VPS13D: variants seen among roughly 807,000 people sequenced by gnomAD.
VPS13D encodes the protein intermembrane lipid transfer protein VPS13D.
Under a neutral mutation model 461.9 loss-of-function variants are expected in VPS13D, and 187 were observed. The observed-to-expected ratio is 0.40, with a 90% CI of 0.36 to 0.46. VPS13D has a LOEUF of 0.46. Ranked by LOEUF, VPS13D falls within the 20% of genes least tolerant of loss-of-function variation. VPS13D has a pLI of 0.60. For synonymous variants in VPS13D, 1,951 were observed against 1,986.3 expected (o/e 0.98, Z 0.47); for missense variants, 4,711 against 5,364.9 (o/e 0.88, Z 3.81).
chr1:12,393,280 AG>A, intron 60 of VPS13D, among the ~76,000 whole-genome samples: 1 of 152,260 alleles, frequency 6.6e-6, no homozygotes, highest in Non-Finnish European at 1.5e-5. Flanking sequence ...AAAGCAATCA[AG>A]GTCTCTCCAA....
Position 12,303,202 on chromosome 1 carries a change from C to T in VPS13D, c.6217-1304C>T, listed in dbSNP as rs114711733. Among the ~76,000 whole-genome samples the T allele has an allele frequency of 3.8e-3, 578 of 152,288 alleles. 2 individuals carry two copies. Among genetic ancestry groups the T allele is most frequent in the African/African-American group, 0.013 (538 of 41,558 alleles). ...TAATCCTGAAATCAAAGCTTGGAGA[C>T]GGGTTATTTGCCCTTGAGTTCCAGG... On this transcript the variant is annotated intron_variant, in intron 25 of 69. Transcript: ENST00000620676.
chr1:12,338,749 T>C (rs1377423624), intron 40 of VPS13D, among the ~76,000 whole-genome samples: 2 of 152,210 alleles, frequency 1.3e-5, no homozygotes, highest in Non-Finnish European at 2.9e-5. Context: ...AAAAAAATTC[T>C]CAGTAAATAA....
Position 12,447,384 on chromosome 1 carries a change from G to A in VPS13D, c.12334-8614G>A, listed in dbSNP as rs139627188. On this transcript the variant is annotated intron_variant, in intron 65 of 69. Transcript: ENST00000620676. The stretch of plus-strand genomic sequence containing the variant: ...ATGAGCATAATAATACTACCTCACA[G>A]GATTGTTGTGAGGATTAAGCTAGTT... 1.8e-3 allele frequency among the ~76,000 whole-genome samples: 278 copies of A among 152,280 alleles called. 4 individuals carry two copies. The highest frequency in any genetic ancestry group is 6.5e-3 in the African/African-American group (270 of 41,546).
At chr1:12,273,908 AT>A (rs1054158169) in intron 18 of VPS13D, among the ~76,000 whole-genome samples, 23 of 151,314 alleles carry the variant, frequency 1.5e-4, no homozygotes, top group African/African-American at 4.9e-4. Flanking sequence ...TTTCTTTTAA[AT>A]TTTTTTTCTT....
rs148948005 is a variant in VPS13D at position 12,476,534 on chromosome 1, G to C, written c.12662+16138G>C. 4.5e-3 allele frequency among the ~76,000 whole-genome samples: 684 copies of C among 152,318 alleles called. 5 individuals are homozygous for C. Among genetic ancestry groups the C allele is most frequent in the African/African-American group, 0.015 (612 of 41,566 alleles). ...GTGCAAGTGCTTTGTAGATTGTCCT[G>C]GGAGATGTGGCATATTATGACTAAA... On this transcript the variant is annotated intron_variant, in intron 67 of 69. Transcript: ENST00000620676.
Position 12,319,542 on chromosome 1 carries a change from A to G in VPS13D, c.7460A>G (p.Asn2487Ser), listed in dbSNP as rs1167082783. The G allele has an allele frequency of 6.2e-6, 10 of 1,614,138 alleles. No individual in the cohort carries two copies. Among genetic ancestry groups the G allele is most frequent in the African/African-American group, 1.3e-5 (1 of 75,026 alleles). Reference protein sequence around the residue: ...VIEDVSCFDTNAIILKGTTVL... With the variant: ...VIEDVSCFDTSAIILKGTTVL... ...GAAGATGTGTCCTGCTTCGACACCA[A>G]TGCCATTATTCTGAAAGGCACCACA... Residue 2487 changes from asparagine to serine, a missense_variant, in exon 32 of 70, where the codon AAT becomes AGT. By Grantham distance (46) the Asn-to-Ser change is conservative. Around this residue, in one of 3 missense-constraint regions of VPS13D, gnomAD observed 4,411 missense variants for 4,937.8 expected, o/e 0.89. Transcript: ENST00000620676.
At chr1:12,324,195 C>T (rs958765202) in intron 35 of VPS13D, among the ~76,000 whole-genome samples, 5 of 152,164 alleles carry the variant, frequency 3.3e-5, no homozygotes, top group African/African-American at 1.2e-4. Flanking sequence ...AGGCAGCAGT[C>T]TTTAGTAGTG....
At chr1:12,316,236 A>T (rs1168636701) in intron 30 of VPS13D, among the ~76,000 whole-genome samples, 1 of 152,174 alleles carries the variant, frequency 6.6e-6, no homozygotes, top group East Asian at 1.9e-4. Flanking sequence ...TTTGTGTATT[A>T]TAGGTGTATA....
At chr1:12,451,155 T>TA (rs1183872670) in intron 65 of VPS13D, among the ~76,000 whole-genome samples, 3 of 152,174 alleles carry the variant, frequency 2.0e-5, no homozygotes, top group African/African-American at 7.2e-5. Context: ...CCCATTCCAG[T>TA]GTCTACTTGA....
intron 10 of VPS13D, among the ~76,000 whole-genome samples, chr1:12,260,312 A>C (rs1038509550): frequency 2.6e-5 from 4 of 152,092 alleles, no homozygotes; most frequent in Non-Finnish European, 4.4e-5. Flanking sequence ...GGCGTGAGCC[A>C]CCGCACCTGG....
chr1:12,242,731 G>A (rs1640419077), intron 3 of VPS13D, 141 bp downstream of exon 3: 1 of 736,826 alleles, frequency 1.4e-6, no homozygotes. Context: ...CAGTCTTAAA[G>A]TGTGGTCTTT....
At chr1:12,312,000 G>C (rs1642764163) in intron 29 of VPS13D, 75 bp downstream of exon 29, 2 of 1,204,150 alleles carry the variant, frequency 1.7e-6, no homozygotes, top group African/African-American at 3.0e-5. Flanking sequence ...TTGACACAGA[G>C]CAGAGGTTGC....
At chr1:12,361,642 G>A (rs945511800) in intron 50 of VPS13D, among the ~76,000 whole-genome samples, 42 of 151,760 alleles carry the variant, frequency 2.8e-4, no homozygotes, top group East Asian at 5.8e-4. Context: ...TGATCCGCCC[G>A]CCTCGGCCTC....
At chr1:12,251,768 C>T (rs1557664494) in intron 6 of VPS13D, among the ~76,000 whole-genome samples, 2 of 152,166 alleles carry the variant, frequency 1.3e-5, no homozygotes, top group Non-Finnish European at 1.5e-5. Flanking sequence ...TCAGCAGCTC[C>T]GCATCACCTA....
intron 65 of VPS13D, among the ~76,000 whole-genome samples, chr1:12,434,682 T>C (rs1248926903): frequency 1.3e-5 from 2 of 152,188 alleles, no homozygotes; most frequent in Non-Finnish European, 2.9e-5. Context: ...AGCCTGATAA[T>C]GATACATTTT....
At chr1:12,311,388 G>A in intron 27 of VPS13D, 66 bp from the exon 28 acceptor site, 2 of 1,484,160 alleles carry the variant, frequency 1.3e-6, no homozygotes, top group Admixed American at 2.1e-5. Context: ...CGTTGTTTGG[G>A]CGTGAGCTAT....
In VPS13D at chr1:12,510,558, C is replaced by T. The variant is rs556983792; in HGVS notation, c.*1534C>T. ...GTGTGTGTGTGTGTGTGTGTGTGCG[C>T]GCGCGCGCGTGCATGCAGAGAGGAA... On this transcript the variant is annotated 3_prime_UTR_variant, in exon 70 of 70. Coordinates refer to ENST00000620676, the MANE Select transcript of VPS13D (RefSeq NM_015378.4). 53 of 148,806 alleles carry T rather than the reference C, an allele frequency of 3.6e-4. No homozygotes were observed. The highest frequency in any genetic ancestry group is 1.1e-3 in the South Asian group (5 of 4,610). The allele number at this position is 148,806 out of a possible 1,614,324, so 9.2% of individuals were successfully genotyped here. A position where few individuals can be genotyped will look rare whatever the true frequency, so the allele number is the denominator to read the frequency against.
At chr1:12,272,394 TGTG>T (rs980217864) in intron 17 of VPS13D, among the ~76,000 whole-genome samples, 1 of 100,658 alleles carries the variant, frequency 9.9e-6, no homozygotes, top group Non-Finnish European at 1.9e-5. Context: ...TTTGTTTTGG[TGTG>T]TGTGTGTGTG....
intron 67 of VPS13D, among the ~76,000 whole-genome samples, chr1:12,479,296 G>T (rs1645680028): frequency 1.3e-5 from 2 of 152,228 alleles, no homozygotes; most frequent in South Asian, 4.1e-4. Context: ...CTGTCCATCA[G>T]CCAGTCACGT....
Sources: gnomAD v4.1 joint callset for allele counts (sites outside exome capture counted in the v4.1 genomes callset) on GRCh38, gnomAD v4.1.1 for gene constraint, gnomAD v4.1.1 regional missense constraint, MANE v1.5 for transcripts, NCBI Gene and HGNC (gene_info 2026-07-23, HGNC 2026-07-21) for gene names.